ACOX3: variants seen among roughly 807,000 people sequenced by gnomAD.
ACOX3 encodes acyl-CoA oxidase 3, pristanoyl.
A neutral mutation model predicts 81.5 loss-of-function variants in ACOX3; 73 were observed. That is an observed-to-expected ratio of 0.90 (90% CI 0.74 to 1.09). ACOX3 has a LOEUF of 1.09. Among genes scored for constraint, ACOX3 ranks in the 50% least tolerant of loss-of-function variants. The pLI is 0.00. For missense variants in ACOX3, 947 were observed against 928.0 expected (o/e 1.02, Z -0.27); for synonymous variants, 387 against 375.1 (o/e 1.03, Z -0.37).
intron 17 of ACOX3, among the ~76,000 whole-genome samples, chr4:8,369,674 C>T (rs1049541016): frequency 2.0e-5 from 3 of 152,216 alleles, no homozygotes; most frequent in Non-Finnish European, 2.9e-5. Flanking sequence ...TGAGGCCAGG[C>T]GCTGGGCCCT....
In ACOX3 at chr4:8,381,364, C is replaced by G; in HGVS notation, c.1653+128G>C. On this transcript the variant is annotated intron_variant, in intron 14 of 17. Coordinates refer to ENST00000356406, the MANE Select transcript of ACOX3 (RefSeq NM_003501.3). This position sits in a 1 kb window ranked among gnomAD's most constrained non-coding sequence, Gnocchi z 4.3. ...GCAAGCAGCAAAGTCATCAAGTCATCTGCCCAAGGTCACGGGAGCTCGGGG... is the reference window on the plus strand; with the variant it reads ...GCAAGCAGCAAAGTCATCAAGTCATGTGCCCAAGGTCACGGGAGCTCGGGG... 1 of 745,880 alleles carries G rather than the reference C, an allele frequency of 1.3e-6. No individual in the cohort carries two copies. Among genetic ancestry groups the G allele is most frequent in the Non-Finnish European group, 2.2e-6 (1 of 445,432 alleles). 46.2% of individuals were successfully genotyped at this position (745,880 alleles called of 1,614,324 possible).
rs1718189683 is a variant in ACOX3 at position 8,385,409 on chromosome 4, C to A, written c.1537+3764G>T. 6.6e-6 allele frequency among the ~76,000 whole-genome samples: 1 copy of A among 152,210 alleles called. No homozygotes were observed. Among genetic ancestry groups the A allele is most frequent in the South Asian group, 2.1e-4 (1 of 4,822 alleles). On this transcript the variant is annotated intron_variant, in intron 13 of 17. Transcript: ENST00000356406. The surrounding 1 kb of genome is among the most constrained non-coding windows in gnomAD (Gnocchi z 5.5). ...ATGTGACCCCACTGCTCACACATGA[C>A]CCTATGTCACCTCTGGCCCACATCC...
rs901128402 is a variant in ACOX3 at position 8,432,932 on chromosome 4, T to G, written c.-15+7716A>C. Among the ~76,000 whole-genome samples the G allele has an allele frequency of 6.6e-6, 1 of 152,256 alleles. No individual in the cohort carries two copies. Among genetic ancestry groups the G allele is most frequent in the Non-Finnish European group, 1.5e-5 (1 of 68,042 alleles). On this transcript the variant is annotated intron_variant, in intron 1 of 17. Coordinates refer to ENST00000356406, the MANE Select transcript of ACOX3 (RefSeq NM_003501.3). This position sits in a 1 kb window ranked among gnomAD's most constrained non-coding sequence, Gnocchi z 6.2. Reference sequence around the variant, plus strand: ...TTCCCATAAATCTAATTTAAATCAGTTCCCTAGTTGCACTAGCTGCACTCA... The same window carrying G: ...TTCCCATAAATCTAATTTAAATCAGGTCCCTAGTTGCACTAGCTGCACTCA...
rs1263914825 is a variant in ACOX3, at chr4:8,423,281, G to C, written c.-14-6746C>G. On this transcript the variant is annotated intron_variant, in intron 1 of 17. Coordinates refer to ENST00000356406, the MANE Select transcript of ACOX3 (RefSeq NM_003501.3). The surrounding 1 kb of genome is among the most constrained non-coding windows in gnomAD (Gnocchi z 4.2). The stretch of plus-strand genomic sequence containing the variant: ...ACCCTTGTTAGGGAGATACATTCTA[G>C]CAAAAGCAGGGGCCATTATACACCT... 6.6e-6 allele frequency among the ~76,000 whole-genome samples: 1 copy of C among 152,120 alleles called. No homozygotes were observed. Among genetic ancestry groups the C allele is most frequent in the Non-Finnish European group, 1.5e-5 (1 of 68,012 alleles).
At chr4:8,371,111 C>T in intron 16 of ACOX3, 117 bp from the exon 17 acceptor site, 1 of 850,730 alleles carries the variant, frequency 1.2e-6, no homozygotes, top group Non-Finnish European at 1.9e-6. Flanking sequence ...ACCTGAGCGG[C>T]ACGTGCGGCT....
In ACOX3 at chr4:8,370,877, G is replaced by A. The variant is rs371589930; in HGVS notation, c.1983+31C>T. On this transcript the variant is annotated intron_variant, in intron 17 of 17. Transcript: ENST00000356406. The surrounding 1 kb of genome is among the most constrained non-coding windows in gnomAD (Gnocchi z 6.3). ...GCAGAAATGCCCATCAACCCTTGGG[G>A]CACTCCCGTGAGGCCCTGTCCTCCC... 2.2e-4 allele frequency: 344 copies of A among 1,597,324 alleles called. No homozygotes were observed. Among genetic ancestry groups the A allele is most frequent in the Non-Finnish European group, 2.8e-4 (327 of 1,166,182 alleles).
intron 14 of ACOX3, among the ~76,000 whole-genome samples, chr4:8,379,469 C>T (rs1004089985): frequency 3.3e-5 from 5 of 152,238 alleles, no homozygotes; most frequent in African/African-American, 1.2e-4. Flanking sequence ...AGCCCAGGGT[C>T]ACCGTCTCAG....
Position 8,389,010 on chromosome 4 carries a change from T to G in ACOX3, c.1537+163A>C, listed in dbSNP as rs781701724. On this transcript the variant is annotated intron_variant, in intron 13 of 17. Transcript: ENST00000356406. This position sits in a 1 kb window ranked among gnomAD's most constrained non-coding sequence, Gnocchi z 5.3. ...TAACTCGGCGTCAGGCACAAAGAGA[T>G]AGTCCATGAGCCAGCCCAGGACAAG... Among the ~76,000 whole-genome samples the G allele has an allele frequency of 2.6e-5, 4 of 152,128 alleles. No individual in the cohort carries two copies. Among genetic ancestry groups the G allele is most frequent in the African/African-American group, 4.8e-5 (2 of 41,426 alleles).
At position 8,382,589 on chromosome 4, in the gene ACOX3, T is replaced by C. The variant is rs1717811501; in HGVS notation, c.1538-982A>G. 1.3e-5 allele frequency among the ~76,000 whole-genome samples: 2 copies of C among 152,152 alleles called. No homozygotes were observed. The highest frequency in any genetic ancestry group is 4.1e-4 in the South Asian group (2 of 4,828). Reference sequence around the variant, plus strand: ...CCTGGCAGCCGGTCTTGCTCAGAGATCCCAGGCAGGAGAATGGGGATCAGC... The same window carrying C: ...CCTGGCAGCCGGTCTTGCTCAGAGACCCCAGGCAGGAGAATGGGGATCAGC... On this transcript the variant is annotated intron_variant, in intron 13 of 17. Coordinates refer to ENST00000356406, the MANE Select transcript of ACOX3 (RefSeq NM_003501.3). This position sits in a 1 kb window ranked among gnomAD's most constrained non-coding sequence, Gnocchi z 4.1.
intron 1 of ACOX3, among the ~76,000 whole-genome samples, chr4:8,421,409 A>T (rs1423602080): frequency 1.5e-4 from 23 of 152,232 alleles, no homozygotes; most frequent in Non-Finnish European, 1.5e-5. Context: ...GGCTGACTAG[A>T]GGCAGAAAGC....
At chr4:8,379,606 G>T (rs2108816997) in intron 14 of ACOX3, among the ~76,000 whole-genome samples, 1 of 152,278 alleles carries the variant, frequency 6.6e-6, no homozygotes, top group African/African-American at 2.4e-5. Flanking sequence ...CACACTCGGG[G>T]TGTTGTGGGG....
At chr4:8,356,465 A>T in the ACOX3 span, 116,551 of 437,630 alleles carry the variant, frequency 0.27, 17,439 homozygotes, top group African/African-American at 0.47. Flanking sequence ...AGTTTGCTAA[A>T]CTTGTACATT....
Position 8,399,406 on chromosome 4 carries a change from C to T in ACOX3, c.873+150G>A, listed in dbSNP as rs533563145. ...AAGAGTCCCCTTCTAGCGGGAGCAC[C>T]AGAACCCGAGCCAGGAGAAGTATGC... On this transcript the variant is annotated intron_variant, in intron 8 of 17. Coordinates refer to ENST00000356406, the MANE Select transcript of ACOX3 (RefSeq NM_003501.3). This position sits in a 1 kb window ranked among gnomAD's most constrained non-coding sequence, Gnocchi z 4.9. 1 of 661,744 alleles carries T rather than the reference C, an allele frequency of 1.5e-6. No individual in the cohort carries two copies. Among genetic ancestry groups the T allele is most frequent in the Non-Finnish European group, 2.6e-6 (1 of 389,378 alleles). The allele number at this position is 661,744 out of a possible 1,614,324, so 41.0% of individuals were successfully genotyped here. A position where few individuals can be genotyped will look rare whatever the true frequency, so the allele number is the denominator to read the frequency against.
chr4:8,381,679 G>C lies in ACOX3; in HGVS notation c.1538-72C>G. On this transcript the variant is annotated intron_variant, in intron 13 of 17. Coordinates refer to ENST00000356406, the MANE Select transcript of ACOX3 (RefSeq NM_003501.3). The surrounding 1 kb of genome is among the most constrained non-coding windows in gnomAD (Gnocchi z 4.3). ...AGCATTTGTCACAACTCACCCCCAG[G>C]GACAAGGCACTGCCAGCATCCTGCA... The C allele has an allele frequency of 8.4e-7, 1 of 1,189,120 alleles. No individual in the cohort carries two copies. The highest frequency in any genetic ancestry group is 1.2e-6 in the Non-Finnish European group (1 of 815,316). The allele number at this position is 1,189,120 out of a possible 1,614,324, so 73.7% of individuals were successfully genotyped here. A position where few individuals can be genotyped will look rare whatever the true frequency, so the allele number is the denominator to read the frequency against.
intron 16 of ACOX3, among the ~76,000 whole-genome samples, chr4:8,371,237 C>G (rs1274019821): frequency 6.6e-6 from 1 of 152,202 alleles, no homozygotes; most frequent in Admixed American, 6.5e-5. Context: ...TTCTTCCCAA[C>G]AAGGTAGAAA....
downstream of ACOX3, among the ~76,000 whole-genome samples, chr4:8,363,104 C>T (rs1187321441): frequency 6.6e-6 from 1 of 152,182 alleles, no homozygotes; most frequent in Non-Finnish European, 1.5e-5. Context: ...TGTGAACCAA[C>T]CAGTGATCTC....
chr4:8,421,260 A>G (rs2631763), intron 1 of ACOX3, among the ~76,000 whole-genome samples: 74,360 of 152,102 alleles, frequency 0.49, 18,296 homozygotes, highest in South Asian at 0.56. Flanking sequence ...AAAATGATTA[A>G]TGTGGCCACC....
chr4:8,404,244 C>A (rs1273582100), intron 7 of ACOX3, among the ~76,000 whole-genome samples: 1 of 152,210 alleles, frequency 6.6e-6, no homozygotes, highest in Non-Finnish European at 1.5e-5. Context: ...ATGCCAAGCG[C>A]CTCCCAGGCA....
At chr4:8,371,135 G>T in intron 16 of ACOX3, 141 bp from the exon 17 acceptor site, 1 of 696,982 alleles carries the variant, frequency 1.4e-6, no homozygotes, top group Non-Finnish European at 2.5e-6. Flanking sequence ...CTGCCCATGC[G>T]TGATCTCTTC....
Sources: gnomAD v4.1 joint callset for allele counts (sites outside exome capture counted in the v4.1 genomes callset) on GRCh38, gnomAD v4.1.1 for gene constraint, Gnocchi (gnomAD v3.1) non-coding constraint, MANE v1.5 for transcripts, NCBI Gene and HGNC (gene_info 2026-07-23, HGNC 2026-07-21) for gene names.